TNFRSF19: variants seen among roughly 807,000 people sequenced by gnomAD.
The protein encoded by TNFRSF19 is tumor necrosis factor receptor superfamily member 19.
In TNFRSF19, 27 loss-of-function variants were observed where a neutral mutation model predicts 46.4. The ratio of observed to expected loss-of-function variants is 0.58; its 90% CI spans 0.43 to 0.80. The LOEUF (loss-of-function observed/expected upper bound fraction) is 0.80, where lower values mean the gene tolerates loss of function less well. Among genes scored for constraint, TNFRSF19 ranks in the 30% least tolerant of loss-of-function variants. The pLI is 0.00. For missense variants in TNFRSF19, 511 were observed against 530.8 expected, an observed-to-expected ratio of 0.96 and a Z score of 0.37; for synonymous variants, 204 against 205.0, an observed-to-expected ratio of 1.00 and a Z score of 0.04.
At chr13:23,626,983 G>A (rs947463038) in intron 5 of TNFRSF19, among the ~76,000 whole-genome samples, 191 bp downstream of exon 5, 7 of 152,248 alleles carry the variant, frequency 4.6e-5, no homozygotes, top group South Asian at 4.1e-4. Flanking sequence ...TCAGCAAACC[G>A]GTCCCAGGGA....
intron 7 of TNFRSF19, among the ~76,000 whole-genome samples, chr13:23,663,748 G>A (rs886271683): frequency 6.6e-6 from 1 of 152,120 alleles, no homozygotes; most frequent in Non-Finnish European, 1.5e-5. Context: ...GAGGGTGTAT[G>A]TGTCCAGAAA....
At chr13:23,632,248 T>C (rs1053971000) in intron 5 of TNFRSF19, among the ~76,000 whole-genome samples, 10 of 152,224 alleles carry the variant, frequency 6.6e-5, no homozygotes, top group African/African-American at 2.4e-4. Flanking sequence ...TAAGGGGCCT[T>C]GCTTTGGGTA....
At chr13:23,601,917 G>A (rs1340086845) in intron 3 of TNFRSF19, among the ~76,000 whole-genome samples, 1 of 152,198 alleles carries the variant, frequency 6.6e-6, no homozygotes, top group South Asian at 2.1e-4. Context: ...CACATAAAAT[G>A]CTCAATTAAA....
At chr13:23,656,273 C>CTA (rs1883980340) in intron 5 of TNFRSF19, among the ~76,000 whole-genome samples, 1 of 152,020 alleles carries the variant, frequency 6.6e-6, no homozygotes, top group Non-Finnish European at 1.5e-5. Flanking sequence ...GTATTGTGCC[C>CTA]TATAGTATTA....
At chr13:23,661,219 T>C (rs1289301305) in intron 7 of TNFRSF19, among the ~76,000 whole-genome samples, 2 of 152,136 alleles carry the variant, frequency 1.3e-5, no homozygotes, top group Non-Finnish European at 2.9e-5. Flanking sequence ...GTAGACCCCA[T>C]TGTGTGTTGT....
At chr13:23,586,659 CTTAG>C (rs1051081356) in intron 1 of TNFRSF19, among the ~76,000 whole-genome samples, 4 of 152,196 alleles carry the variant, frequency 2.6e-5, no homozygotes, top group Non-Finnish European at 5.9e-5. Context: ...TTGGATTTAT[CTTAG>C]TTAGAGGGAG....
rs1212880181 is a variant in TNFRSF19 at position 23,626,791 on chromosome 13, C to T, written c.444C>T (p.His148=). 1.9e-6 allele frequency: 3 copies of T among 1,614,004 alleles called. No homozygotes were observed. Among genetic ancestry groups the T allele is most frequent in the Non-Finnish European group, 2.5e-6 (3 of 1,180,002 alleles). ...ACCCTCCTCCTCCTTACGAACCGCACTGTGAGTGAACGCAACACAGGCAGA... is the reference window on the plus strand; with the variant it reads ...ACCCTCCTCCTCCTTACGAACCGCATTGTGAGTGAACGCAACACAGGCAGA... ...CGDPPPPYEP[H]CASKVNLVKI... The change falls in exon 5 of 10, where the codon CAC becomes CAT. Residue 148 remains histidine, a splice_region_variant and synonymous_variant. Coordinates refer to ENST00000248484, the MANE Select transcript of TNFRSF19 (RefSeq NM_148957.4).
At chr13:23,580,450 A>G (rs934846246) in intron 1 of TNFRSF19, among the ~76,000 whole-genome samples, 1 of 152,276 alleles carries the variant, frequency 6.6e-6, no homozygotes, top group African/African-American at 2.4e-5. Flanking sequence ...ATTGTTAAAC[A>G]TACCTCATGC....
At chr13:23,628,407 A>T (rs1388829418) in intron 5 of TNFRSF19, among the ~76,000 whole-genome samples, 1 of 152,212 alleles carries the variant, frequency 6.6e-6, no homozygotes. Flanking sequence ...CCAGTTTAAC[A>T]TGCAGTGACC....
At chr13:23,574,383 T>C (rs928184097) in intron 1 of TNFRSF19, among the ~76,000 whole-genome samples, 33 of 152,208 alleles carry the variant, frequency 2.2e-4, no homozygotes, top group African/African-American at 8.0e-4. Flanking sequence ...TGATTCATTC[T>C]TTTTAAGAAT....
At chr13:23,644,911 A>G (rs1180137497) in intron 5 of TNFRSF19, among the ~76,000 whole-genome samples, 3 of 152,194 alleles carry the variant, frequency 2.0e-5, no homozygotes, top group Non-Finnish European at 4.4e-5. Context: ...ATCCTAGTGT[A>G]ATCCTTCTGT....
intron 5 of TNFRSF19, among the ~76,000 whole-genome samples, chr13:23,634,608 A>T (rs958195689): frequency 1.3e-5 from 2 of 152,240 alleles, no homozygotes; most frequent in African/African-American, 4.8e-5. Context: ...ACACACATGG[A>T]TCAGTGATTT....
At chr13:23,611,892 C>T (rs976998981) in intron 3 of TNFRSF19, among the ~76,000 whole-genome samples, 1 of 152,158 alleles carries the variant, frequency 6.6e-6, no homozygotes, top group Non-Finnish European at 1.5e-5. Context: ...GGAATACTCT[C>T]TATTTGCTGA....
rs76760120 is a variant in TNFRSF19, at chr13:23,658,450, A to C, written c.446-600A>C. Reference sequence around the variant, plus strand: ...TTCTTGACTTTCTTAGCACATGACTATGCCGGCCTTTCCATAGTGTAATAA... The same window carrying C: ...TTCTTGACTTTCTTAGCACATGACTCTGCCGGCCTTTCCATAGTGTAATAA... On this transcript the variant is annotated intron_variant, in intron 5 of 9. Transcript: ENST00000248484. Among the ~76,000 whole-genome samples the C allele has an allele frequency of 1.6e-4, 24 of 152,280 alleles. No homozygotes were observed. The East Asian group carries it at 4.6e-3, about 29-fold the overall frequency.
intron 7 of TNFRSF19, among the ~76,000 whole-genome samples, chr13:23,663,853 A>G (rs1951571610): frequency 6.6e-6 from 1 of 152,056 alleles, no homozygotes; most frequent in Non-Finnish European, 1.5e-5. Context: ...GTCAGTGGTA[A>G]CATCCCTTTT....
At chr13:23,576,692 T>C (rs1877980164) in intron 1 of TNFRSF19, among the ~76,000 whole-genome samples, 1 of 152,236 alleles carries the variant, frequency 6.6e-6, no homozygotes, top group African/African-American at 2.4e-5. Context: ...TCTAATACAA[T>C]GTCAATGCTG....
At chr13:23,671,622 G>C (rs1240453380) in intron 9 of TNFRSF19, among the ~76,000 whole-genome samples, 5 of 152,124 alleles carry the variant, frequency 3.3e-5, no homozygotes, top group African/African-American at 1.2e-4. Context: ...GTCCAACCAA[G>C]TGTTTAACTC....
chr13:23,607,199 C>T lies in TNFRSF19; in HGVS notation c.181-8668C>T, dbSNP rs542399967. On this transcript the variant is annotated intron_variant, in intron 3 of 9. Coordinates refer to ENST00000248484, the MANE Select transcript of TNFRSF19 (RefSeq NM_148957.4). ...CTGTAATCCCAGCACTTTGGGAGGC[C>T]GAGGCAGGTGGATTGCCTGAGGTCA... is the stretch of plus-strand genomic sequence containing the variant. 5.3e-5 allele frequency among the ~76,000 whole-genome samples: 8 copies of T among 152,180 alleles called. No homozygotes were observed. In the South Asian group the frequency reaches 1.5e-3, roughly 28 times the overall value.
chr13:23,674,829 C>T lies in TNFRSF19; in HGVS notation c.*1449C>T, dbSNP rs1388537782. ...GTCTTTCCTAGTATGTTTTTATCTT[C>T]TCATGTATTATCCATGGTTTTCTCT... On this transcript the variant is annotated 3_prime_UTR_variant, in exon 10 of 10. Coordinates refer to ENST00000248484, the MANE Select transcript of TNFRSF19 (RefSeq NM_148957.4). 27 of 152,150 alleles carry T rather than the reference C, an allele frequency of 1.8e-4. No homozygotes were observed. Among genetic ancestry groups the T allele is most frequent in the Admixed American group, 1.8e-3 (27 of 15,272 alleles). 9.4% of individuals were successfully genotyped at this position (152,150 alleles called of 1,614,324 possible).
Sources: allele counts gnomAD v4.1 joint callset (sites outside exome capture counted in the v4.1 genomes callset), GRCh38; gene constraint gnomAD v4.1.1; transcripts MANE v1.5; gene names NCBI Gene and HGNC (gene_info 2026-07-23, HGNC 2026-07-21).